Variants in PI4KA observed in about 807,000 individuals in gnomAD.
PI4KA encodes the protein PI4-kinase alpha.
In PI4KA, 122 loss-of-function variants were observed where a neutral mutation model predicts 271.4. The ratio of observed to expected loss-of-function variants is 0.45; its 90% CI spans 0.39 to 0.52. PI4KA has a LOEUF of 0.52. Ranked by LOEUF, PI4KA falls within the 20% of genes least tolerant of loss-of-function variation. The pLI is 0.00. For synonymous variants in PI4KA, 1,041 were observed against 1,078.8 expected (o/e 0.96, Z 0.69); for missense variants, 1,969 against 2,769.1 (o/e 0.71, Z 6.48).
At chr22:20,819,153 T>G (rs1922238814) in intron 6 of PI4KA, among the ~76,000 whole-genome samples, 1 of 152,236 alleles carries the variant, frequency 6.6e-6, no homozygotes, top group Admixed American at 6.5e-5. Flanking sequence ...GGAGGCAGTG[T>G]GTCATATGTG....
chr22:20,850,729 G>A (rs1255414745), intron 1 of PI4KA, among the ~76,000 whole-genome samples: 7 of 151,874 alleles, frequency 4.6e-5, no homozygotes, highest in East Asian at 2.0e-4. Flanking sequence ...GAGCCACCGC[G>A]CCCGGCCTAC....
chr22:20,730,484 A>G (rs1474116034), intron 36 of PI4KA, among the ~76,000 whole-genome samples: 1 of 152,104 alleles, frequency 6.6e-6, no homozygotes, highest in African/African-American at 2.4e-5. Flanking sequence ...CACGTTGGCC[A>G]GGCTGGTCTC....
intron 1 of PI4KA, among the ~76,000 whole-genome samples, chr22:20,846,532 G>T (rs1194214405): frequency 6.6e-6 from 1 of 151,956 alleles, no homozygotes; most frequent in Non-Finnish European, 1.5e-5. Flanking sequence ...CCTGTGAGGT[G>T]GGGGAGGGAG....
chr22:20,823,751 C>T lies in PI4KA; in HGVS notation c.456+575G>A, dbSNP rs919185313. On this transcript the variant is annotated intron_variant, in intron 4 of 54. Transcript: ENST00000255882. ...GCCCGGAGTTCAAGACCAGCCTGGG[C>T]AACATGGCGAAACCTTGTCTCTACA... Among the ~76,000 whole-genome samples the T allele has an allele frequency of 2.0e-5, 3 of 152,078 alleles. No individual in the cohort carries two copies. The East Asian group carries it at 5.8e-4, about 29-fold the overall frequency.
chr22:20,737,634 CTT>C (rs760945752), intron 32 of PI4KA, among the ~76,000 whole-genome samples: 4 of 141,288 alleles, frequency 2.8e-5, no homozygotes, highest in Non-Finnish European at 4.6e-5. Flanking sequence ...TACTCTTTTT[CTT>C]TTTTTTTTTT....
At chr22:20,809,687 A>G (rs902593419) in intron 9 of PI4KA, among the ~76,000 whole-genome samples, 2 of 152,172 alleles carry the variant, frequency 1.3e-5, no homozygotes, top group African/African-American at 4.8e-5. Flanking sequence ...CCACAAGCTC[A>G]GTCTATAGTG....
In PI4KA at chr22:20,732,980, C is replaced by G; in HGVS notation, c.4279G>C (p.Val1427Leu). The change falls in exon 36 of 55, where the codon GTT (valine) becomes CTT (leucine). Residue 1427 changes from valine (V) to leucine (L), a missense_variant. Val to Leu is a conservative substitution (Grantham distance 32). Transcript: ENST00000255882. ...CACTGTTGAGGGTTACCTGGGGGAA[C>G]AAGCTGGCTGGCGGTCAGGTACTTC... ...DKKYLTASQL[V>L]PPDNQDTRSN... 6.2e-7 allele frequency: 1 copy of G among 1,611,512 alleles called. No individual in the cohort carries two copies. Among genetic ancestry groups the G allele is most frequent in the Non-Finnish European group, 8.5e-7 (1 of 1,179,416 alleles).
intron 36 of PI4KA, 111 bp downstream of exon 36, chr22:20,732,860 A>G: frequency 8.1e-7 from 1 of 1,233,442 alleles, no homozygotes; most frequent in Non-Finnish European, 1.2e-6. Flanking sequence ...GCCAGGGCTC[A>G]GGGGGGTCTA....
At chr22:20,765,294 G>A (rs537202521) in intron 20 of PI4KA, 58 bp from the exon 21 acceptor site, 1 of 1,510,178 alleles carries the variant, frequency 6.6e-7, no homozygotes, top group Non-Finnish European at 9.0e-7. Context: ...ACTGCAGTGA[G>A]GTTGACTGAC....
At position 20,793,255 on chromosome 22, in the gene PI4KA, C is replaced by T. The variant is rs1451313324; in HGVS notation, c.2278-12G>A. The T allele has an allele frequency of 5.3e-6, 8 of 1,504,546 alleles. No individual in the cohort carries two copies. In the Admixed American group the frequency reaches 1.3e-4, roughly 25 times the overall value. The allele number at this position is 1,504,546 out of a possible 1,614,324, so 93.2% of individuals were successfully genotyped here. A position where few individuals can be genotyped will look rare whatever the true frequency, so the allele number is the denominator to read the frequency against. ...GCACTGCTAGAAGCCTAGAAAAGAA[C>T]AGAATTATTGTCATTAACGAGTATG... On this transcript the variant is annotated splice_polypyrimidine_tract_variant and intron_variant, in intron 18 of 54. Coordinates refer to ENST00000255882, the MANE Select transcript of PI4KA (RefSeq NM_058004.4).
chr22:20,814,660 G>A (rs1279004413), intron 7 of PI4KA, among the ~76,000 whole-genome samples: 3 of 151,746 alleles, frequency 2.0e-5, no homozygotes, highest in Non-Finnish European at 4.4e-5. Flanking sequence ...GAGCAGGAGG[G>A]TTGCTTGAGC....
Position 20,858,577 on chromosome 22 carries a change from A to G in PI4KA, c.149T>C (p.Leu50Ser). 1 of 1,399,810 alleles carries G rather than the reference A, an allele frequency of 7.1e-7. No homozygotes were observed. The highest frequency in any genetic ancestry group is 9.3e-7 in the Non-Finnish European group (1 of 1,073,784). The allele number at this position is 1,399,810 out of a possible 1,614,324, so 86.7% of individuals were successfully genotyped here. A position where few individuals can be genotyped will look rare whatever the true frequency, so the allele number is the denominator to read the frequency against. ...RSLAVQRPASLEKVQKLLCMC... is the reference protein window; with the variant it reads ...RSLAVQRPASSEKVQKLLCMC... ...CCAGCCCGCCGACGTTACCTTCTCC[A>G]AGGATGCTGGTCTCTGCACCGCCAG... The change falls in exon 1 of 55, where the codon TTG becomes TCG. Residue 50 changes from leucine to serine, a missense_variant. Leu to Ser is a moderately radical substitution (Grantham distance 145). Coordinates refer to ENST00000255882, the MANE Select transcript of PI4KA (RefSeq NM_058004.4).
chr22:20,760,623 C>T (rs1028170369), intron 23 of PI4KA, among the ~76,000 whole-genome samples: 2 of 152,222 alleles, frequency 1.3e-5, no homozygotes, highest in African/African-American at 4.8e-5. Context: ...CTAGAGGACA[C>T]TTCCATCAAT....
At chr22:20,769,569 T>C (rs1041523310) in intron 19 of PI4KA, among the ~76,000 whole-genome samples, 4 of 151,220 alleles carry the variant, frequency 2.6e-5, no homozygotes, top group Non-Finnish European at 5.9e-5. Flanking sequence ...CTCGGGAGGC[T>C]GAAGCAGGAG....
intron 23 of PI4KA, among the ~76,000 whole-genome samples, chr22:20,759,707 A>AG (rs1463638280): frequency 6.6e-6 from 1 of 152,100 alleles, no homozygotes; most frequent in East Asian, 1.9e-4. Context: ...CTGGGACTAC[A>AG]GGCGCAGGCC....
At chr22:20,723,957 G>A (rs535222951) in intron 42 of PI4KA, among the ~76,000 whole-genome samples, 2 of 151,872 alleles carry the variant, frequency 1.3e-5, no homozygotes, top group South Asian at 4.2e-4. Flanking sequence ...TCCTGCCTCA[G>A]CCTCCCAAGT....
chr22:20,826,270 G>A (rs886883078), intron 3 of PI4KA, among the ~76,000 whole-genome samples: 2 of 152,204 alleles, frequency 1.3e-5, no homozygotes, highest in Non-Finnish European at 2.9e-5. Flanking sequence ...TCGAACCTGG[G>A]AGGCGAGGGT....
chr22:20,771,853 A>T (rs1385013797), intron 19 of PI4KA, among the ~76,000 whole-genome samples: 1 of 152,100 alleles, frequency 6.6e-6, no homozygotes, highest in African/African-American at 2.4e-5. Context: ...AAGTGCTGGG[A>T]TTACAGGTGT....
At chr22:20,847,770 A>C (rs1277514392) in intron 1 of PI4KA, among the ~76,000 whole-genome samples, 2 of 152,118 alleles carry the variant, frequency 1.3e-5, no homozygotes, top group African/African-American at 4.8e-5. Context: ...AAAAAACAAA[A>C]AAAACCAGTA....
Sources: allele counts gnomAD v4.1 joint callset (sites outside exome capture counted in the v4.1 genomes callset), GRCh38; gene constraint gnomAD v4.1.1; transcripts MANE v1.5; gene names NCBI Gene and HGNC (gene_info 2026-07-23, HGNC 2026-07-21).